The following TAF2 variants were observed in gnomAD, a reference collection of about 807,000 sequenced individuals.
The protein encoded by TAF2 is TATA-box binding protein associated factor 2.
In TAF2, 61 loss-of-function variants were observed where a neutral mutation model predicts 138.5. The ratio of observed to expected loss-of-function variants is 0.44; its 90% CI spans 0.36 to 0.54. TAF2 has a LOEUF of 0.54. TAF2 is among the 20% of genes least tolerant of loss of function. The probability of loss-of-function intolerance (pLI) is 0.00; values close to 1 mark genes in which losing one functional copy is unlikely to be tolerated. For missense variants in TAF2, 1,090 were observed against 1,427.9 expected (o/e 0.76, Z 3.81); for synonymous variants, 475 against 469.9 (o/e 1.01, Z -0.14).
intron 2 of TAF2, among the ~76,000 whole-genome samples, chr8:119,821,011 TACAAA>T (rs1457042399): frequency 8.5e-6 from 1 of 118,162 alleles, no homozygotes; most frequent in African/African-American, 3.4e-5. Flanking sequence ...CCAAGACAAC[TACAAA>T]ACAAAAGATT....
At chr8:119,785,160 C>T (rs767162083) in intron 15 of TAF2, 41 bp downstream of exon 15, 1 of 1,513,084 alleles carries the variant, frequency 6.6e-7, no homozygotes, top group Non-Finnish European at 9.2e-7. Context: ...GATGAGAATG[C>T]AGAAAGTATT....
chr8:119,789,446 G>T (rs912516353), intron 12 of TAF2, 146 bp downstream of exon 12: 8 of 974,410 alleles, frequency 8.2e-6, no homozygotes, highest in Middle Eastern at 2.1e-4. Context: ...ACAATTCACA[G>T]TTCATCATTA....
chr8:119,793,849 C>G (rs532832502), intron 9 of TAF2, among the ~76,000 whole-genome samples: 17 of 133,226 alleles, frequency 1.3e-4, no homozygotes, highest in Admixed American at 4.5e-4. Context: ...CTCCAGTCTT[C>G]TCTAACATGA....
chr8:119,785,547 T>C (rs905217451), intron 14 of TAF2, among the ~76,000 whole-genome samples: 2 of 152,192 alleles, frequency 1.3e-5, no homozygotes, highest in African/African-American at 4.8e-5. Context: ...CAAGAACTGA[T>C]AGCTGCAATT....
intron 25 of TAF2, among the ~76,000 whole-genome samples, chr8:119,739,345 C>T (rs1038299862): frequency 3.9e-5 from 6 of 152,084 alleles, no homozygotes; most frequent in African/African-American, 1.4e-4. Context: ...TTCTTTATAT[C>T]CCCTTCCTTA....
intron 2 of TAF2, among the ~76,000 whole-genome samples, chr8:119,825,153 G>A (rs1217589979): frequency 6.6e-6 from 1 of 152,256 alleles, no homozygotes; most frequent in South Asian, 2.1e-4. Flanking sequence ...CCAAAACTAT[G>A]GGAACCTACC....
chr8:119,732,241 C>T, intron 25 of TAF2, 55 bp from the exon 26 acceptor site: 5 of 1,554,598 alleles, frequency 3.2e-6, no homozygotes, highest in East Asian at 2.2e-5. Context: ...GAAAGCCAGA[C>T]TAAAGAAAGA....
Position 119,806,391 on chromosome 8 carries a change from T to C in TAF2, c.310A>G (p.Asn104Asp). ...GCTGCATAAGCATTGGAAAAATAAT[T>C]GAGGTTTCTCCTGGGGAAAAAAAAG... The part of the protein sequence containing the change: ...CHSESKQRNL[N>D]YFSNAYAAAV... The change falls in exon 4 of 26, where the codon AAT (asparagine) becomes GAT (aspartate). Residue 104 changes from asparagine (N) to aspartate (D), a missense_variant. Asn to Asp is a conservative substitution (Grantham distance 23). Around this residue, in one of 3 missense-constraint regions of TAF2, gnomAD observed 504 missense variants for 680.9 expected, o/e 0.74. Transcript: ENST00000378164. The C allele has an allele frequency of 6.2e-7, 1 of 1,613,526 alleles. No individual in the cohort carries two copies. The highest frequency in any genetic ancestry group is 8.5e-7 in the Non-Finnish European group (1 of 1,179,614).
chr8:119,767,453 G>A (rs1010298314), intron 18 of TAF2, among the ~76,000 whole-genome samples: 1 of 152,184 alleles, frequency 6.6e-6, no homozygotes, highest in African/African-American at 2.4e-5. Flanking sequence ...AGATCCCTGG[G>A]GTTCCACACT....
intron 4 of TAF2, among the ~76,000 whole-genome samples, chr8:119,806,007 C>A (rs1824612676): frequency 6.6e-6 from 1 of 151,736 alleles, no homozygotes; most frequent in Non-Finnish European, 1.5e-5. Flanking sequence ...TGGGTTCAAG[C>A]AATTCTCCTG....
At position 119,785,888 on chromosome 8, in the gene TAF2, C is replaced by T. The variant is rs534925358; in HGVS notation, c.1794-622G>A. Among the ~76,000 whole-genome samples the T allele has an allele frequency of 7.2e-5, 11 of 152,154 alleles. No individual in the cohort carries two copies. The East Asian group carries it at 2.1e-3, about 29-fold the overall frequency. On this transcript the variant is annotated intron_variant, in intron 14 of 25. Coordinates refer to ENST00000378164, the MANE Select transcript of TAF2 (RefSeq NM_003184.4). Reference sequence around the variant, plus strand: ...ATTCTGTTATTACAGAGAAAAAAACCTGAGAATAGCAATCAAATGTTACCA... The same window carrying T: ...ATTCTGTTATTACAGAGAAAAAAACTTGAGAATAGCAATCAAATGTTACCA...
At chr8:119,752,011 T>A (rs560755493) in intron 22 of TAF2, among the ~76,000 whole-genome samples, 5 of 152,092 alleles carry the variant, frequency 3.3e-5, no homozygotes, top group Middle Eastern at 3.4e-3. Flanking sequence ...TATACTAAAG[T>A]ATTTGGAAAG....
intron 22 of TAF2, among the ~76,000 whole-genome samples, chr8:119,754,508 C>T (rs995113338): frequency 1.3e-5 from 2 of 152,004 alleles, no homozygotes; most frequent in African/African-American, 4.8e-5. Context: ...CATGGTGAAA[C>T]CCCATCTCTA....
At chr8:119,764,449 A>C (rs1198136521) in intron 18 of TAF2, among the ~76,000 whole-genome samples, 2 of 152,242 alleles carry the variant, frequency 1.3e-5, no homozygotes, top group Non-Finnish European at 2.9e-5. Flanking sequence ...ATAAAATTTA[A>C]TAATATACCA....
At chr8:119,738,501 A>G (rs1489815020) in intron 25 of TAF2, among the ~76,000 whole-genome samples, 1 of 152,210 alleles carries the variant, frequency 6.6e-6, no homozygotes, top group African/African-American at 2.4e-5. Flanking sequence ...TCACTCTTCT[A>G]AACAGCAAAT....
intron 3 of TAF2, among the ~76,000 whole-genome samples, chr8:119,815,127 C>T (rs1376132860): frequency 7.0e-6 from 1 of 142,368 alleles, no homozygotes; most frequent in Non-Finnish European, 1.6e-5. Flanking sequence ...ACTAAAAATA[C>T]AAAAATTAGC....
chr8:119,738,467 C>T (rs1819380428), intron 25 of TAF2, among the ~76,000 whole-genome samples: 1 of 152,040 alleles, frequency 6.6e-6, no homozygotes, highest in Admixed American at 6.6e-5. Context: ...TAATAAAAGT[C>T]CTTTTAGTAA....
At chr8:119,795,470 A>T in intron 9 of TAF2, 62 bp downstream of exon 9, 1 of 1,367,076 alleles carries the variant, frequency 7.3e-7, no homozygotes, top group Non-Finnish European at 1.0e-6. Flanking sequence ...AAAGTATTTT[A>T]CAGTCATTAA....
chr8:119,792,340 A>G (rs1412104251), intron 10 of TAF2, among the ~76,000 whole-genome samples: 1 of 151,728 alleles, frequency 6.6e-6, no homozygotes, highest in Admixed American at 6.6e-5. Context: ...TTTGGTAGAG[A>G]TGTGGTTTTG....
Sources: gnomAD v4.1 joint callset for allele counts (sites outside exome capture counted in the v4.1 genomes callset) on GRCh38, gnomAD v4.1.1 for gene constraint, gnomAD v4.1.1 regional missense constraint, MANE v1.5 for transcripts, NCBI Gene and HGNC (gene_info 2026-07-23, HGNC 2026-07-21) for gene names.